ESCO1: variants seen among roughly 807,000 people sequenced by gnomAD.
ESCO1 encodes the protein N-acetyltransferase ESCO1.
In ESCO1, 33 loss-of-function variants were observed where a neutral mutation model predicts 83.5. The observed-to-expected ratio is 0.40, with a 90% CI of 0.30 to 0.53. The LOEUF is 0.53. ESCO1 is among the 20% of genes least tolerant of loss of function. ESCO1 has a pLI of 0.63. For missense variants in ESCO1, 855 were observed against 968.0 expected (o/e 0.88, Z 1.55); for synonymous variants, 332 against 324.3 (o/e 1.02, Z -0.25).
intron 5 of ESCO1, among the ~76,000 whole-genome samples, chr18:21,566,510 T>A (rs927933150): frequency 1.2e-4 from 19 of 152,184 alleles, no homozygotes; most frequent in Admixed American, 1.2e-3. Flanking sequence ...AATGCCTGCA[T>A]AATTATATAA....
At chr18:21,553,990 G>A (rs1190908107) in intron 8 of ESCO1, among the ~76,000 whole-genome samples, 1 of 151,670 alleles carries the variant, frequency 6.6e-6, no homozygotes, top group Admixed American at 6.6e-5. Flanking sequence ...TAAAAAATGG[G>A]CAAAGGACCT....
In ESCO1 at chr18:21,574,968, G is replaced by T; in HGVS notation, c.-125C>A. 3.0e-6 allele frequency: 2 copies of T among 673,040 alleles called. No homozygotes were observed. The highest frequency in any genetic ancestry group is 4.7e-6 in the Non-Finnish European group (2 of 421,488). 41.7% of individuals were successfully genotyped at this position (673,040 alleles called of 1,614,324 possible). A position where few individuals can be genotyped will look rare whatever the true frequency, so the allele number is the denominator to read the frequency against. ...GTCTGAAAAATCAACTTTAACTGATGCTGATATACATTTTCAACAAAAATA... is the reference window on the plus strand; with the variant it reads ...GTCTGAAAAATCAACTTTAACTGATTCTGATATACATTTTCAACAAAAATA... On this transcript the variant is annotated 5_prime_UTR_variant, in exon 4 of 12. Coordinates refer to ENST00000269214, the MANE Select transcript of ESCO1 (RefSeq NM_052911.3).
At chr18:21,599,774 A>T (rs2038815593) in intron 1 of ESCO1, among the ~76,000 whole-genome samples, 1 of 151,956 alleles carries the variant, frequency 6.6e-6, no homozygotes, top group Non-Finnish European at 1.5e-5. Context: ...CACACGCCGG[A>T]TTTTCGGACG....
intron 8 of ESCO1, among the ~76,000 whole-genome samples, chr18:21,543,265 C>T (rs1246625025): frequency 6.6e-6 from 1 of 152,170 alleles, no homozygotes; most frequent in African/African-American, 2.4e-5. Flanking sequence ...AGCAATTCTC[C>T]TGCCTCAGCC....
intron 8 of ESCO1, 52 bp downstream of exon 8, chr18:21,560,807 A>T: frequency 6.3e-7 from 1 of 1,582,030 alleles, no homozygotes; most frequent in Non-Finnish European, 8.5e-7. Context: ...TCATTAAGAG[A>T]CCGACCTAAT....
intron 8 of ESCO1, among the ~76,000 whole-genome samples, chr18:21,541,592 CAAAA>C (rs58040604): frequency 4.6e-5 from 4 of 86,788 alleles, no homozygotes; most frequent in Admixed American, 1.3e-4. Flanking sequence ...GACACTGTCC[CAAAA>C]AAAAAAAAAA....
intron 2 of ESCO1, among the ~76,000 whole-genome samples, chr18:21,577,361 T>TAA (rs1555671990): frequency 0.011 from 587 of 52,914 alleles, 7 homozygotes; most frequent in African/African-American, 0.021. Flanking sequence ...CCATCTTTTT[T>TAA]AAAAAAAAAA....
At chr18:21,567,236 C>T (rs552264831) in intron 5 of ESCO1, among the ~76,000 whole-genome samples, 2 of 152,226 alleles carry the variant, frequency 1.3e-5, no homozygotes, top group African/African-American at 2.4e-5. Flanking sequence ...AATCTTGGCT[C>T]ATCTCTGCCT....
chr18:21,580,988 C>T (rs1042868603), intron 2 of ESCO1, among the ~76,000 whole-genome samples: 3 of 147,962 alleles, frequency 2.0e-5, no homozygotes, highest in Admixed American at 1.3e-4. Flanking sequence ...AAAACTCCAT[C>T]GAAACGGAGT....
intron 8 of ESCO1, 65 bp downstream of exon 8, chr18:21,560,794 A>T: frequency 8.3e-6 from 13 of 1,561,896 alleles, no homozygotes; most frequent in Non-Finnish European, 1.1e-5. Flanking sequence ...TTGGCAACTC[A>T]TCTCATTAAG....
intron 8 of ESCO1, among the ~76,000 whole-genome samples, chr18:21,551,146 T>G (rs1430111325): frequency 6.8e-6 from 1 of 146,680 alleles, no homozygotes; most frequent in African/African-American, 2.5e-5. Flanking sequence ...AAAAAGCATG[T>G]TTTTTTAAAA....
chr18:21,587,645 A>G (rs1275740954), intron 1 of ESCO1, among the ~76,000 whole-genome samples: 1 of 152,132 alleles, frequency 6.6e-6, no homozygotes, highest in Non-Finnish European at 1.5e-5. Flanking sequence ...TTTTTAAAAA[A>G]GATAAAAGTA....
intron 1 of ESCO1, chr18:21,596,805 C>G (rs574968644): frequency 6.6e-6 from 1 of 152,136 alleles, no homozygotes. Context: ...GCCTGGGCAA[C>G]AGAGCAAGAC....
At position 21,575,764 on chromosome 18, in the gene ESCO1, A is replaced by C. The variant is rs2038411267; in HGVS notation, c.-680T>G. ...CCATTCCTTCTAATATGCTCTTAACACATCACACAGCACCTGAAAGAAAAA... is the reference window on the plus strand; with the variant it reads ...CCATTCCTTCTAATATGCTCTTAACCCATCACACAGCACCTGAAAGAAAAA... On this transcript the variant is annotated 5_prime_UTR_variant, in exon 3 of 12. Transcript: ENST00000269214. The C allele has an allele frequency of 5.0e-6, 2 of 398,162 alleles. No homozygotes were observed. The highest frequency in any genetic ancestry group is 8.9e-6 in the Non-Finnish European group (2 of 225,892). 24.7% of individuals were successfully genotyped at this position (398,162 alleles called of 1,614,324 possible).
intron 4 of ESCO1, 56 bp from the exon 5 acceptor site, chr18:21,568,150 C>T: frequency 7.5e-7 from 1 of 1,331,168 alleles, no homozygotes; most frequent in Non-Finnish European, 1.1e-6. Context: ...TCTAAATAAA[C>T]TTTCAGTAAA....
chr18:21,537,285 G>A (rs970449723), intron 9 of ESCO1, among the ~76,000 whole-genome samples: 2 of 152,176 alleles, frequency 1.3e-5, no homozygotes, highest in African/African-American at 4.8e-5. Flanking sequence ...AGAGAGCAGT[G>A]GCTGATGCCT....
At chr18:21,535,475 C>T (rs536901986) in intron 10 of ESCO1, among the ~76,000 whole-genome samples, 5 of 151,572 alleles carry the variant, frequency 3.3e-5, no homozygotes, top group Non-Finnish European at 5.9e-5. Context: ...CTCTGCCTCC[C>T]GGGTTCAAGC....
intron 9 of ESCO1, among the ~76,000 whole-genome samples, chr18:21,539,142 A>G (rs1568092270): frequency 6.6e-6 from 1 of 152,114 alleles, no homozygotes; most frequent in African/African-American, 2.4e-5. Flanking sequence ...TAAAAATATT[A>G]TAAGATTAAG....
At chr18:21,593,327 G>A (rs574013177) in intron 1 of ESCO1, 34 of 167,762 alleles carry the variant, frequency 2.0e-4, no homozygotes, top group Non-Finnish European at 3.3e-4. Flanking sequence ...ACCAGACACC[G>A]TCTGCAATCC....
Sources: allele counts gnomAD v4.1 joint callset (sites outside exome capture counted in the v4.1 genomes callset), GRCh38; gene constraint gnomAD v4.1.1; transcripts MANE v1.5; gene names NCBI Gene and HGNC (gene_info 2026-07-23, HGNC 2026-07-21).